The following CHSY3 variants were observed in gnomAD, a reference collection of about 807,000 sequenced individuals.
The protein encoded by CHSY3 is N-acetylgalactosaminyl-proteoglycan 3-beta-glucuronosyltransferase 3.
A neutral mutation model predicts 67.2 loss-of-function variants in CHSY3; 35 were observed. The observed-to-expected ratio is 0.52, with a 90% CI of 0.40 to 0.69. The LOEUF is 0.69. Among genes scored for constraint, CHSY3 ranks in the 30% least tolerant of loss-of-function variants. The pLI, the probability that CHSY3 is intolerant of heterozygous loss-of-function variation, is 0.00. For synonymous variants in CHSY3, 474 were observed against 434.7 expected (o/e 1.09, Z -1.12); for missense variants, 1,069 against 1,138.5 (o/e 0.94, Z 0.88).
chr5:129,981,703 T>C (rs974834492), intron 2 of CHSY3, among the ~76,000 whole-genome samples: 4 of 151,972 alleles, frequency 2.6e-5, no homozygotes, highest in African/African-American at 9.7e-5. Context: ...ACTTTTTATT[T>C]TCTTGTCTTC....
chr5:130,088,595 TA>T (rs1449186788), intron 2 of CHSY3, among the ~76,000 whole-genome samples: 1 of 152,102 alleles, frequency 6.6e-6, no homozygotes, highest in Non-Finnish European at 1.5e-5. Context: ...AGAAGACATT[TA>T]TGCAGCCAAA....
chr5:129,977,491 C>T (rs1347649648), intron 2 of CHSY3, among the ~76,000 whole-genome samples: 3 of 152,028 alleles, frequency 2.0e-5, no homozygotes, highest in Admixed American at 6.5e-5. Flanking sequence ...ATATATTTGT[C>T]TAATGTCACC....
intron 2 of CHSY3, among the ~76,000 whole-genome samples, chr5:129,981,624 T>G (rs11956874): frequency 0.021 from 3,225 of 152,164 alleles, 105 homozygotes; most frequent in African/African-American, 0.071. Flanking sequence ...GCTCAAGGAA[T>G]CCTCCCACCT....
intron 2 of CHSY3, among the ~76,000 whole-genome samples, chr5:130,006,448 A>G (rs992828636): frequency 2.6e-5 from 4 of 152,212 alleles, no homozygotes; most frequent in African/African-American, 7.2e-5. Flanking sequence ...AGATAATCAG[A>G]GGGTGAGCTC....
intron 2 of CHSY3, among the ~76,000 whole-genome samples, chr5:130,178,249 ATATATT>A (rs1371191983): frequency 1.0e-4 from 7 of 68,482 alleles, no homozygotes; most frequent in African/African-American, 5.6e-4. Flanking sequence ...ATATATATAT[ATATATT>A]TTTTTTTTTT....
Position 129,965,942 on chromosome 5 carries a change from G to A in CHSY3, c.1086+57582G>A, listed in dbSNP as rs148651987. Among the ~76,000 whole-genome samples, 583 of 151,884 alleles carry A rather than the reference G, an allele frequency of 3.8e-3. 7 individuals are homozygous for A. Among genetic ancestry groups the A allele is most frequent in the African/African-American group, 0.013 (543 of 41,472 alleles). On this transcript the variant is annotated intron_variant, in intron 2 of 2. Coordinates refer to ENST00000305031, the MANE Select transcript of CHSY3 (RefSeq NM_175856.5). ...TACATGAGGAGTAGTTGACTAACTC[G>A]TCTCATACTCCACAGATTCTGGGTT...
chr5:130,019,652 C>T (rs944257619), intron 2 of CHSY3, among the ~76,000 whole-genome samples: 5 of 152,160 alleles, frequency 3.3e-5, no homozygotes, highest in African/African-American at 7.2e-5. Flanking sequence ...TTTATCTTTC[C>T]CTGGTAGAAT....
intron 2 of CHSY3, among the ~76,000 whole-genome samples, chr5:130,120,208 G>A (rs1482410374): frequency 6.6e-6 from 1 of 151,914 alleles, no homozygotes; most frequent in Non-Finnish European, 1.5e-5. Flanking sequence ...TGCTGCTTGG[G>A]GTCCCCCACC....
intron 2 of CHSY3, among the ~76,000 whole-genome samples, chr5:129,916,234 A>G (rs1199235077): frequency 6.6e-6 from 1 of 152,204 alleles, no homozygotes; most frequent in African/African-American, 2.4e-5. Context: ...GAGAACCCAG[A>G]GTGTGGCTAT....
At chr5:130,158,814 T>G (rs1319694224) in intron 2 of CHSY3, among the ~76,000 whole-genome samples, 1 of 152,160 alleles carries the variant, frequency 6.6e-6, no homozygotes, top group African/African-American at 2.4e-5. Flanking sequence ...ATTTATTTAT[T>G]TTAGAGACAG....
At chr5:130,162,324 T>C (rs1769578723) in intron 2 of CHSY3, among the ~76,000 whole-genome samples, 1 of 152,186 alleles carries the variant, frequency 6.6e-6, no homozygotes, top group Non-Finnish European at 1.5e-5. Flanking sequence ...TTGACCTTCA[T>C]ACAAGCATTG....
intron 2 of CHSY3, among the ~76,000 whole-genome samples, chr5:130,080,492 TG>T (rs1435134613): frequency 6.6e-6 from 1 of 152,168 alleles, no homozygotes; most frequent in African/African-American, 2.4e-5. Context: ...GTTCATAATT[TG>T]TTGGCTCCAT....
intron 2 of CHSY3, among the ~76,000 whole-genome samples, chr5:130,100,087 TGAG>T: frequency 6.6e-6 from 1 of 152,192 alleles, no homozygotes; most frequent in South Asian, 2.1e-4. Context: ...CATTAATTAA[TGAG>T]GGAATATTTT....
chr5:130,079,308 A>G (rs1486884556), intron 2 of CHSY3, among the ~76,000 whole-genome samples: 2 of 152,102 alleles, frequency 1.3e-5, no homozygotes, highest in Non-Finnish European at 2.9e-5. Flanking sequence ...TTCCTTTCAA[A>G]TATATTTTAT....
In CHSY3 at chr5:130,072,707, G is replaced by T. The variant is rs904416654; in HGVS notation, c.1087-111522G>T. Among the ~76,000 whole-genome samples the T allele has an allele frequency of 7.9e-5, 12 of 152,228 alleles. No individual in the cohort carries two copies. The East Asian group carries it at 2.3e-3, about 29-fold the overall frequency. On this transcript the variant is annotated intron_variant, in intron 2 of 2. Transcript: ENST00000305031. The stretch of plus-strand genomic sequence containing the variant: ...CTATTTATATGAAAAAATGGCACTG[G>T]AATTTTGATAAGAATGCATTGAAAT...
At chr5:130,011,931 A>T (rs1243156537) in intron 2 of CHSY3, among the ~76,000 whole-genome samples, 3 of 152,216 alleles carry the variant, frequency 2.0e-5, no homozygotes, top group Non-Finnish European at 4.4e-5. Flanking sequence ...CTAAACAAGA[A>T]TTACAAAACA....
rs33960181 is a variant in CHSY3, at chr5:129,932,103, C to CATATATATATAT, written c.1086+23772_1086+23783dup. Among the ~76,000 whole-genome samples the CATATATATATAT allele has an allele frequency of 1.3e-3, 147 of 114,914 alleles. 2 individuals carry two copies. The highest frequency in any genetic ancestry group is 1.7e-3 in the East Asian group (7 of 4,034). The allele number at this position is 114,914 out of a possible 152,430, so 75.4% of individuals were successfully genotyped here. ...CCATATGTAATGTAAACCATAAAAC[C>CATATATATATAT]ATATATATATATATATATATATATA... On this transcript the variant is annotated intron_variant, in intron 2 of 2. Transcript: ENST00000305031.
At chr5:130,170,602 C>T (rs1344845428) in intron 2 of CHSY3, among the ~76,000 whole-genome samples, 1 of 152,146 alleles carries the variant, frequency 6.6e-6, no homozygotes, top group Non-Finnish European at 1.5e-5. Flanking sequence ...TACATTCCCA[C>T]CAACAGTGTA....
At chr5:129,976,096 G>A (rs1762800032) in intron 2 of CHSY3, among the ~76,000 whole-genome samples, 1 of 152,054 alleles carries the variant, frequency 6.6e-6, no homozygotes, top group Admixed American at 6.6e-5. Flanking sequence ...CAGCTGTTTT[G>A]CTTTCACTCT....
Sources: gnomAD v4.1 joint callset for allele counts (sites outside exome capture counted in the v4.1 genomes callset) on GRCh38, gnomAD v4.1.1 for gene constraint, MANE v1.5 for transcripts, NCBI Gene and HGNC (gene_info 2026-07-23, HGNC 2026-07-21) for gene names.